Variants in PCDHA6 observed in about 807,000 individuals in gnomAD.
PCDHA6 encodes the protein protocadherin alpha 6, also known as protocadherin alpha-6.
A neutral mutation model predicts 60.3 loss-of-function variants in PCDHA6; 55 were observed. That is an observed-to-expected ratio of 0.91 (90% CI 0.73 to 1.14). The LOEUF is 1.14. PCDHA6 is among the 50% of genes most tolerant of loss of function. The pLI, the probability that PCDHA6 is intolerant of heterozygous loss-of-function variation, is 0.00. For synonymous variants in PCDHA6, 652 were observed against 557.9 expected, an observed-to-expected ratio of 1.17 and a Z score of -2.38; for missense variants, 1,327 against 1,256.5, an observed-to-expected ratio of 1.06 and a Z score of -0.85.
At chr5:140,852,213 T>C (rs1221806389) in intron 1 of PCDHA6, 1 of 646,494 alleles carries the variant, frequency 1.5e-6, no homozygotes, top group Non-Finnish European at 2.0e-6. Flanking sequence ...TAAAACAAAA[T>C]ATTTTAATTT....
At chr5:140,841,792 G>A in intron 1 of PCDHA6, 1 of 1,613,916 alleles carries the variant, frequency 6.2e-7, no homozygotes, top group Non-Finnish European at 8.5e-7. Flanking sequence ...TAGAGGGCGC[G>A]TCCGATGCAG....
chr5:140,955,922 GTTCA>G (rs1413540621), intron 1 of PCDHA6, among the ~76,000 whole-genome samples: 2 of 152,138 alleles, frequency 1.3e-5, no homozygotes, highest in African/African-American at 4.8e-5. Flanking sequence ...GTGAATGGGA[GTTCA>G]TTCATAATAT....
chr5:140,924,715 C>A (rs1258622619), intron 1 of PCDHA6, among the ~76,000 whole-genome samples: 3 of 151,692 alleles, frequency 2.0e-5, no homozygotes, highest in Non-Finnish European at 4.4e-5. Flanking sequence ...TGCAACATGG[C>A]GAAACCTCAC....
chr5:141,006,002 G>T (rs185630910), intron 3 of PCDHA6, among the ~76,000 whole-genome samples: 1 of 151,740 alleles, frequency 6.6e-6, no homozygotes, highest in East Asian at 1.9e-4. Context: ...CTGAAAGAAG[G>T]CCTGTATGGT....
At chr5:140,943,277 AG>A (rs199866143) in intron 1 of PCDHA6, among the ~76,000 whole-genome samples, 16,429 of 127,604 alleles carry the variant, frequency 0.13, 1,638 homozygotes, top group African/African-American at 0.18. Flanking sequence ...AAAAAAAAAA[AG>A]AAAGAAAGAA....
intron 1 of PCDHA6, chr5:140,928,482 TG>T (rs782531828): frequency 6.2e-7 from 1 of 1,614,024 alleles, no homozygotes; most frequent in African/African-American, 1.3e-5. Context: ...GCCGGGATGG[TG>T]GCATTCCTCC....
intron 1 of PCDHA6, among the ~76,000 whole-genome samples, chr5:140,917,545 C>G (rs1049973588): frequency 6.6e-6 from 1 of 152,212 alleles, no homozygotes; most frequent in Non-Finnish European, 1.5e-5. Flanking sequence ...TTAGGTTTTA[C>G]ATTTAACTCT....
chr5:140,845,039 C>T (rs1485557365), intron 1 of PCDHA6, among the ~76,000 whole-genome samples: 2 of 149,068 alleles, frequency 1.3e-5, no homozygotes, highest in Non-Finnish European at 3.0e-5. Context: ...ATTTTAGCCC[C>T]CTTGTCCAAC....
intron 1 of PCDHA6, among the ~76,000 whole-genome samples, chr5:140,922,606 T>C (rs1394298971): frequency 2.6e-5 from 4 of 152,176 alleles, no homozygotes; most frequent in African/African-American, 9.7e-5. Context: ...GTTGAAGATA[T>C]ATTAAAACTA....
intron 1 of PCDHA6, among the ~76,000 whole-genome samples, chr5:140,844,721 G>C (rs573731008): frequency 6.7e-6 from 1 of 149,274 alleles, no homozygotes; most frequent in Non-Finnish European, 1.5e-5. Context: ...CCATTAGTTC[G>C]TGTAAAAATA....
Position 140,828,559 on chromosome 5 carries a change from C to A in PCDHA6, c.468C>A (p.Gly156=), listed in dbSNP as rs2150156735. The change falls in exon 1 of 4, where the codon GGC becomes GGA. Residue 156 remains glycine (G), a synonymous_variant. Transcript: ENST00000529310. ...RLPDSVFPLE[G]ASDADVGSNS... Reference sequence around the variant, plus strand: ...CAGATTCTGTGTTTCCACTGGAGGGCGCGTCCGATGCAGATGTTGGCTCAA... The same window carrying A: ...CAGATTCTGTGTTTCCACTGGAGGGAGCGTCCGATGCAGATGTTGGCTCAA... 8.1e-6 allele frequency: 13 copies of A among 1,614,056 alleles called. No homozygotes were observed. Among genetic ancestry groups the A allele is most frequent in the Non-Finnish European group, 1.1e-5 (13 of 1,180,046 alleles).
intron 1 of PCDHA6, among the ~76,000 whole-genome samples, chr5:140,942,981 G>A (rs1242135518): frequency 6.6e-6 from 1 of 152,048 alleles, no homozygotes; most frequent in Non-Finnish European, 1.5e-5. Context: ...TTGGGGCTGG[G>A]TGTGGTGGCT....
chr5:140,857,243 A>G (rs2044443964), intron 1 of PCDHA6: 1 of 1,598,366 alleles, frequency 6.3e-7, no homozygotes, highest in African/African-American at 1.3e-5. Flanking sequence ...GCTGGTGTCC[A>G]CCTACAAGAA....
At chr5:140,967,823 G>A in intron 1 of PCDHA6, 2 of 1,614,162 alleles carry the variant, frequency 1.2e-6, no homozygotes, top group Non-Finnish European at 8.5e-7. Context: ...CAAGGTGCTG[G>A]TGGACATCGT....
chr5:140,834,749 G>T (rs782597539), intron 1 of PCDHA6: 2 of 1,613,980 alleles, frequency 1.2e-6, no homozygotes, highest in African/African-American at 1.3e-5. Context: ...TGGACGTGGA[G>T]GTGAAGGACA....
Position 140,848,325 on chromosome 5 carries a change from T to C in PCDHA6, c.2394+17840T>C, listed in dbSNP as rs1279729115. On this transcript the variant is annotated intron_variant, in intron 1 of 3. Transcript: ENST00000529310. Reference sequence around the variant, plus strand: ...TGTCACTCTTTGCCGCGATGTTCTCTCTGAATCCAGACAAATACAGCCCTT... The same window carrying C: ...TGTCACTCTTTGCCGCGATGTTCTCCCTGAATCCAGACAAATACAGCCCTT... The C allele has an allele frequency of 5.0e-6, 4 of 803,094 alleles. 1 individual carries two copies. The highest frequency in any genetic ancestry group is 2.0e-6 in the Non-Finnish European group (1 of 498,510). The allele number at this position is 803,094 out of a possible 1,614,324, so 49.7% of individuals were successfully genotyped here. A position where few individuals can be genotyped will look rare whatever the true frequency, so the allele number is the denominator to read the frequency against.
chr5:140,967,251 CG>C, intron 1 of PCDHA6: 1 of 1,613,410 alleles, frequency 6.2e-7, no homozygotes, highest in Non-Finnish European at 8.5e-7. Flanking sequence ...GAATCGGTGG[CG>C]CCTGGAGCGC....
intron 3 of PCDHA6, among the ~76,000 whole-genome samples, chr5:140,991,755 C>T (rs2153897425): frequency 6.6e-6 from 1 of 152,268 alleles, no homozygotes; most frequent in South Asian, 2.1e-4. Context: ...TTCTATCATG[C>T]TCTTCAAAAT....
rs1187191951 is a variant in PCDHA6, at chr5:140,828,882, T to C, written c.791T>C (p.Leu264Pro). 3.7e-6 allele frequency: 6 copies of C among 1,614,110 alleles called. No individual in the cohort carries two copies. Among genetic ancestry groups the C allele is most frequent in the Non-Finnish European group, 5.1e-6 (6 of 1,180,042 alleles). ...NADNGTTVIR[L>P]NASDRDEGAN... Reference sequence around the variant, plus strand: ...GACAACGGAACAACAGTTATCAGACTGAATGCTTCTGATCGGGATGAAGGA... The same window carrying C: ...GACAACGGAACAACAGTTATCAGACCGAATGCTTCTGATCGGGATGAAGGA... Residue 264 changes from leucine (L) to proline (P), a missense_variant, in exon 1 of 4, where the codon CTG becomes CCG. Coordinates refer to ENST00000529310, the MANE Select transcript of PCDHA6 (RefSeq NM_018909.4).
Sources: allele counts gnomAD v4.1 joint callset (sites outside exome capture counted in the v4.1 genomes callset), GRCh38; gene constraint gnomAD v4.1.1; transcripts MANE v1.5; gene names NCBI Gene and HGNC (gene_info 2026-07-23, HGNC 2026-07-21).